The following ELAVL2 variants were observed in gnomAD, a reference collection of about 807,000 sequenced individuals.
ELAVL2 encodes ELAV-like protein 2.
In ELAVL2, 4 loss-of-function variants were observed where a neutral mutation model predicts 34.6. That is an observed-to-expected ratio of 0.12 (90% confidence interval 0.06 to 0.26). ELAVL2 has a LOEUF of 0.26. ELAVL2 is among the 10% of genes least tolerant of loss of function. The pLI is 1.00. For missense variants in ELAVL2, 432 were observed against 442.8 expected (o/e 0.98, Z 0.22); for synonymous variants, 193 against 154.8 (o/e 1.25, Z -1.83).
chr9:23,754,751 C>T (rs764649644), intron 2 of ELAVL2, among the ~76,000 whole-genome samples: 28 of 152,176 alleles, frequency 1.8e-4, no homozygotes, highest in Non-Finnish European at 3.2e-4. Flanking sequence ...GCATGAATCA[C>T]TGCGCCTGGC....
chr9:23,777,938 T>C (rs951806916), intron 1 of ELAVL2, among the ~76,000 whole-genome samples: 1 of 149,684 alleles, frequency 6.7e-6, no homozygotes, highest in Non-Finnish European at 1.5e-5. Context: ...CTAAGACCTA[T>C]TCTAATAAAC....
At chr9:23,775,267 T>C (rs1485910393) in intron 1 of ELAVL2, among the ~76,000 whole-genome samples, 1 of 152,168 alleles carries the variant, frequency 6.6e-6, no homozygotes, top group East Asian at 1.9e-4. Context: ...TTTAATCCTC[T>C]TGTGGAGCGG....
chr9:23,748,661 T>C (rs374823051), intron 2 of ELAVL2, among the ~76,000 whole-genome samples: 1 of 152,118 alleles, frequency 6.6e-6, no homozygotes, highest in Non-Finnish European at 1.5e-5. Context: ...TGGCAAAATA[T>C]TGCACAAATT....
At chr9:23,809,623 T>A (rs1402974593) in intron 1 of ELAVL2, among the ~76,000 whole-genome samples, 1 of 152,178 alleles carries the variant, frequency 6.6e-6, no homozygotes, top group African/African-American at 2.4e-5. Flanking sequence ...TCATGTACTA[T>A]ATTCTTTCTT....
intron 1 of ELAVL2, among the ~76,000 whole-genome samples, chr9:23,783,840 C>G (rs933881455): frequency 3.3e-5 from 5 of 152,088 alleles, no homozygotes; most frequent in Admixed American, 6.5e-5. Flanking sequence ...GTGCACTAGG[C>G]TCTCTGTTGT....
intron 1 of ELAVL2, among the ~76,000 whole-genome samples, chr9:23,786,781 C>CAAAAAAAAAAAAAAA (rs57292061): frequency 5.5e-5 from 6 of 108,144 alleles, no homozygotes; most frequent in Admixed American, 9.4e-5. Flanking sequence ...ATTTTAGTGG[C>CAAAAAAAAAAAAAAA]AAAAAAAAAA....
At chr9:23,695,960 G>A (rs1380318172) in intron 5 of ELAVL2, among the ~76,000 whole-genome samples, 5 of 152,060 alleles carry the variant, frequency 3.3e-5, no homozygotes, top group Admixed American at 6.5e-5. Context: ...AGGAGGTTTC[G>A]AATTTTTTAT....
chr9:23,792,793 C>G (rs912289989), intron 1 of ELAVL2, among the ~76,000 whole-genome samples: 13 of 152,080 alleles, frequency 8.5e-5, no homozygotes, highest in African/African-American at 2.9e-4. Flanking sequence ...TTTTTAGACA[C>G]AAGTTCTTAC....
chr9:23,736,380 A>G (rs966087100), intron 2 of ELAVL2, among the ~76,000 whole-genome samples: 1 of 152,226 alleles, frequency 6.6e-6, no homozygotes, highest in Non-Finnish European at 1.5e-5. Flanking sequence ...CAAAGGAGAA[A>G]AAGATCTTTC....
intron 1 of ELAVL2, among the ~76,000 whole-genome samples, chr9:23,763,505 C>T (rs1188943129): frequency 1.3e-5 from 2 of 151,832 alleles, no homozygotes; most frequent in Admixed American, 6.6e-5. Flanking sequence ...TCTGAATTGA[C>T]GGGATGCTAG....
intron 1 of ELAVL2, among the ~76,000 whole-genome samples, chr9:23,785,421 C>T (rs1464725933): frequency 6.6e-6 from 1 of 152,088 alleles, no homozygotes; most frequent in African/African-American, 2.4e-5. Flanking sequence ...AACTTAGTGT[C>T]CTGGAGGACA....
At chr9:23,844,261 A>G in the ELAVL2 span, among the ~76,000 whole-genome samples, 1 of 152,044 alleles carries the variant, frequency 6.6e-6, no homozygotes, top group Non-Finnish European at 1.5e-5. Flanking sequence ...TACACAGAGT[A>G]TGCATTACTT....
intron 4 of ELAVL2, among the ~76,000 whole-genome samples, chr9:23,702,004 G>T (rs2037424181): frequency 6.6e-6 from 1 of 152,184 alleles, no homozygotes; most frequent in Non-Finnish European, 1.5e-5. Context: ...GAGGGACACA[G>T]TAGTTCCTGT....
chr9:23,845,142 T>G, the ELAVL2 span, among the ~76,000 whole-genome samples: 1 of 151,844 alleles, frequency 6.6e-6, no homozygotes, highest in Non-Finnish European at 1.5e-5. Context: ...TAGATAAAAT[T>G]ATGTTTTGAG....
chr9:23,748,383 C>T (rs924682953), intron 2 of ELAVL2, among the ~76,000 whole-genome samples: 14 of 152,218 alleles, frequency 9.2e-5, no homozygotes, highest in Admixed American at 5.9e-4. Context: ...AGACCCCACA[C>T]GGATGTTTGT....
At chr9:23,836,843 A>G in the ELAVL2 span, among the ~76,000 whole-genome samples, 1 of 152,292 alleles carries the variant, frequency 6.6e-6, no homozygotes, top group South Asian at 2.1e-4. Context: ...TTTGAAAGCC[A>G]GTAGAGGGAA....
intron 1 of ELAVL2, among the ~76,000 whole-genome samples, chr9:23,781,346 C>T (rs1023765134): frequency 2.0e-5 from 3 of 152,116 alleles, no homozygotes; most frequent in African/African-American, 7.2e-5. Flanking sequence ...GTCAAAGATA[C>T]ACATAAACAC....
At chr9:23,812,574 G>T (rs1186481623) in intron 1 of ELAVL2, among the ~76,000 whole-genome samples, 1 of 151,994 alleles carries the variant, frequency 6.6e-6, no homozygotes, top group Admixed American at 6.6e-5. Context: ...CAAGCAACAC[G>T]TTCACCTAAA....
chr9:23,742,477 T>A (rs1415701464), intron 2 of ELAVL2, among the ~76,000 whole-genome samples: 2 of 151,316 alleles, frequency 1.3e-5, no homozygotes, highest in East Asian at 3.9e-4. Context: ...AGAAAAGGAG[T>A]GAAAGAGGGA....
Sources: gnomAD v4.1 joint callset for allele counts (sites outside exome capture counted in the v4.1 genomes callset) on GRCh38, gnomAD v4.1.1 for gene constraint, MANE v1.5 for transcripts, NCBI Gene and HGNC (gene_info 2026-07-23, HGNC 2026-07-21) for gene names.